Variants in SOBP observed in about 807,000 individuals in gnomAD.
SOBP encodes sine oculis binding protein homolog, also known as sine oculis-binding protein homolog.
In SOBP, 4 loss-of-function variants were observed where a neutral mutation model predicts 53.6. The ratio of observed to expected loss-of-function variants is 0.07; its 90% confidence interval spans 0.04 to 0.17. The LOEUF is 0.17. Among genes scored for constraint, SOBP ranks in the 10% least tolerant of loss-of-function variants. SOBP has a pLI of 1.00. For missense variants in SOBP, 1,088 were observed against 1,204.7 expected (o/e 0.90, Z 1.43); for synonymous variants, 584 against 522.6 (o/e 1.12, Z -1.60).
intron 3 of SOBP, among the ~76,000 whole-genome samples, chr6:107,524,507 A>G (rs563724244): frequency 6.6e-6 from 1 of 152,250 alleles, no homozygotes; most frequent in African/African-American, 2.4e-5. Flanking sequence ...TCTTTGCCTT[A>G]TTGTTGATTT....
chr6:107,499,106 G>C (rs1782771256), intron 1 of SOBP, among the ~76,000 whole-genome samples: 1 of 152,174 alleles, frequency 6.6e-6, no homozygotes, highest in Non-Finnish European at 1.5e-5. Flanking sequence ...ACATTCTCTT[G>C]CATGATATCT....
chr6:107,655,633 A>G (rs1243886764), intron 6 of SOBP, among the ~76,000 whole-genome samples: 1 of 152,204 alleles, frequency 6.6e-6, no homozygotes, highest in Non-Finnish European at 1.5e-5. Flanking sequence ...ACTTTGGGGG[A>G]AAACACATAT....
chr6:107,575,663 G>T (rs944207520), intron 4 of SOBP, among the ~76,000 whole-genome samples: 2 of 152,082 alleles, frequency 1.3e-5, no homozygotes, highest in African/African-American at 4.8e-5. Context: ...GGAAACGCAG[G>T]TCACTTTTTG....
intron 3 of SOBP, among the ~76,000 whole-genome samples, chr6:107,530,111 A>C (rs1322235302): frequency 6.6e-6 from 1 of 152,198 alleles, no homozygotes; most frequent in Non-Finnish European, 1.5e-5. Context: ...TGTTATGTGA[A>C]TCTTCTCTGA....
chr6:107,539,619 C>T (rs979074033), intron 4 of SOBP, among the ~76,000 whole-genome samples: 1 of 152,210 alleles, frequency 6.6e-6, no homozygotes, highest in Non-Finnish European at 1.5e-5. Flanking sequence ...ACATTGTGTT[C>T]TGGTGACTGC....
Position 107,634,875 on chromosome 6 carries a change from GGCGGAGCGCGAGCCGAGCGCC to G in SOBP, c.2041_2061del (p.Glu681_Arg687del). 1 of 1,347,770 alleles carries G rather than the reference GGCGGAGCGCGAGCCGAGCGCC, an allele frequency of 7.4e-7. No homozygotes were observed. The highest frequency in any genetic ancestry group is 9.6e-7 in the Non-Finnish European group (1 of 1,041,464). 83.5% of individuals were successfully genotyped at this position (1,347,770 alleles called of 1,614,324 possible). A position where few individuals can be genotyped will look rare whatever the true frequency, so the allele number is the denominator to read the frequency against. ...ACCGCGCGCTGCACGCGCACGTCAAGGCGGAGCGCGAGCCGAGCGCCGCGGAGCGCAGGACCTGCGGCGGCT... is the reference window on the plus strand; with the variant it reads ...ACCGCGCGCTGCACGCGCACGTCAAGGCGGAGCGCAGGACCTGCGGCGGCT... On this transcript the variant is annotated inframe_deletion, in exon 6 of 7. Coordinates refer to ENST00000317357, the MANE Select transcript of SOBP (RefSeq NM_018013.4). This position sits in a 1 kb window ranked among gnomAD's most constrained non-coding sequence, Gnocchi z 4.5.
At chr6:107,522,477 AT>A (rs1783538832) in intron 3 of SOBP, among the ~76,000 whole-genome samples, 1 of 151,742 alleles carries the variant, frequency 6.6e-6, no homozygotes, top group South Asian at 2.1e-4. Flanking sequence ...AGTGCCTCAC[AT>A]ATAAGTAGAC....
At chr6:107,637,914 G>A in intron 6 of SOBP, among the ~76,000 whole-genome samples, 1 of 152,232 alleles carries the variant, frequency 6.6e-6, no homozygotes, top group East Asian at 1.9e-4. Flanking sequence ...AATTTCAGAA[G>A]ATGTGGTGAT....
At chr6:107,622,717 T>C (rs765113236) in intron 5 of SOBP, among the ~76,000 whole-genome samples, 1 of 152,188 alleles carries the variant, frequency 6.6e-6, no homozygotes, top group Non-Finnish European at 1.5e-5. Flanking sequence ...CTTGAAAATA[T>C]ATCCTTGTAT....
At chr6:107,536,618 G>A (rs1451296599) in intron 4 of SOBP, among the ~76,000 whole-genome samples, 1 of 152,174 alleles carries the variant, frequency 6.6e-6, no homozygotes, top group Non-Finnish European at 1.5e-5. Flanking sequence ...AATAAGGTGG[G>A]ATGGATTGAA....
Position 107,569,386 on chromosome 6 carries a change from G to A in SOBP, c.574-17694G>A, listed in dbSNP as rs573771246. Among the ~76,000 whole-genome samples the A allele has an allele frequency of 1.2e-4, 19 of 152,312 alleles. 1 individual carries two copies. The South Asian group carries it at 2.9e-3, about 23-fold the overall frequency. Reference sequence around the variant, plus strand: ...TAAAGCACCAGTGGATACAGGCAGAGGTTTCCCAGAGGGCATAGTGCATGT... The same window carrying A: ...TAAAGCACCAGTGGATACAGGCAGAAGTTTCCCAGAGGGCATAGTGCATGT... On this transcript the variant is annotated intron_variant, in intron 4 of 6. Coordinates refer to ENST00000317357, the MANE Select transcript of SOBP (RefSeq NM_018013.4).
chr6:107,565,185 A>AT (rs1784880471), intron 4 of SOBP, among the ~76,000 whole-genome samples: 1 of 152,228 alleles, frequency 6.6e-6, no homozygotes, highest in Non-Finnish European at 1.5e-5. Flanking sequence ...TGGCCAAGAA[A>AT]TCATCTGCTC....
At chr6:107,492,264 T>C (rs1431956773) in intron 1 of SOBP, among the ~76,000 whole-genome samples, 1 of 152,144 alleles carries the variant, frequency 6.6e-6, no homozygotes, top group Non-Finnish European at 1.5e-5. Context: ...TCACTTACCC[T>C]TACCTCCTGT....
At chr6:107,492,046 G>A (rs1466584222) in intron 1 of SOBP, among the ~76,000 whole-genome samples, 1 of 152,182 alleles carries the variant, frequency 6.6e-6, no homozygotes, top group African/African-American at 2.4e-5. Flanking sequence ...ACTGGATAAG[G>A]AACTTAGTAC....
chr6:107,493,065 T>C (rs182496898), intron 1 of SOBP, among the ~76,000 whole-genome samples: 14 of 152,266 alleles, frequency 9.2e-5, no homozygotes, highest in Non-Finnish European at 1.5e-4. Context: ...ATATTAATAA[T>C]CACATCAGCA....
rs9398134 is a variant in SOBP, at chr6:107,556,634, G to C, written c.573+23024G>C. Reference sequence around the variant, plus strand: ...TTATATAGTTTGACTGCATTAATGCGTGCCTAACAAAGCAAGTGGCATAAC... The same window carrying C: ...TTATATAGTTTGACTGCATTAATGCCTGCCTAACAAAGCAAGTGGCATAAC... On this transcript the variant is annotated intron_variant, in intron 4 of 6. Coordinates refer to ENST00000317357, the MANE Select transcript of SOBP (RefSeq NM_018013.4). Among the ~76,000 whole-genome samples, 978 of 152,298 alleles carry C rather than the reference G, an allele frequency of 6.4e-3. 22 individuals are homozygous for C. In the East Asian group the frequency reaches 0.069, roughly 11 times the overall value.
At chr6:107,560,968 T>C (rs1340741581) in intron 4 of SOBP, among the ~76,000 whole-genome samples, 1 of 152,184 alleles carries the variant, frequency 6.6e-6, no homozygotes, top group Non-Finnish European at 1.5e-5. Context: ...GTCAATAATA[T>C]ACTCGCTTTC....
At chr6:107,648,709 G>A (rs1247315240) in intron 6 of SOBP, among the ~76,000 whole-genome samples, 1 of 152,066 alleles carries the variant, frequency 6.6e-6, no homozygotes, top group African/African-American at 2.4e-5. Flanking sequence ...CAGCGGGAGG[G>A]GGAAACTTGA....
Position 107,506,296 on chromosome 6 carries a change from A to G in SOBP, c.290A>G (p.Asn97Ser), listed in dbSNP as rs771570340. 1.9e-6 allele frequency: 3 copies of G among 1,614,218 alleles called. No individual in the cohort carries two copies. Among genetic ancestry groups the G allele is most frequent in the South Asian group, 1.1e-5 (1 of 91,080 alleles). ...LPEDSVISPY[N>S]ISTGYSGLAT... ...GAGGACAGTGTTATTTCACCATACA[A>G]TATAAGCACAGGCTATTCAGGGCTT... The change falls in exon 3 of 7, where the codon AAT becomes AGT. Residue 97 changes from asparagine (N) to serine (S), a missense_variant. Coordinates refer to ENST00000317357, the MANE Select transcript of SOBP (RefSeq NM_018013.4).
Sources: gnomAD v4.1 joint callset for allele counts (sites outside exome capture counted in the v4.1 genomes callset) on GRCh38, gnomAD v4.1.1 for gene constraint, Gnocchi (gnomAD v3.1) non-coding constraint, MANE v1.5 for transcripts, NCBI Gene and HGNC (gene_info 2026-07-23, HGNC 2026-07-21) for gene names.